The following CNTN5 variants were observed in gnomAD, a reference collection of about 807,000 sequenced individuals.
CNTN5 encodes contactin 5, also known as contactin-5.
Under a neutral mutation model 129.1 loss-of-function variants are expected in CNTN5, and 77 were observed. That is an observed-to-expected ratio of 0.60 (90% CI 0.50 to 0.72). CNTN5 has a LOEUF of 0.72. Among genes scored for constraint, CNTN5 ranks in the 30% least tolerant of loss-of-function variants. The pLI, the probability that CNTN5 is intolerant of heterozygous loss-of-function variation, is 0.00. For missense variants in CNTN5, 1,478 were observed against 1,328.8 expected (o/e 1.11, Z -1.75); for synonymous variants, 509 against 465.6 (o/e 1.09, Z -1.20).
chr11:99,432,029 C>T (rs781750623), intron 2 of CNTN5, among the ~76,000 whole-genome samples: 2 of 152,114 alleles, frequency 1.3e-5, no homozygotes, highest in African/African-American at 2.4e-5. Flanking sequence ...CCAGTAAGTC[C>T]GCACTTTAGG....
chr11:99,613,903 A>T (rs543716579), intron 3 of CNTN5, among the ~76,000 whole-genome samples: 7 of 152,310 alleles, frequency 4.6e-5, no homozygotes, highest in Admixed American at 2.0e-4. Flanking sequence ...CTAATTTTAG[A>T]TGTTTAAAAT....
chr11:99,439,397 G>A (rs1002037566), intron 2 of CNTN5, among the ~76,000 whole-genome samples: 1 of 151,664 alleles, frequency 6.6e-6, no homozygotes, highest in Non-Finnish European at 1.5e-5. Context: ...TACACAAATG[G>A]GCTAAATACT....
At chr11:99,782,891 G>T (rs530899092) in intron 3 of CNTN5, among the ~76,000 whole-genome samples, 5 of 151,636 alleles carry the variant, frequency 3.3e-5, no homozygotes, top group Non-Finnish European at 7.4e-5. Flanking sequence ...GAAAACCTAG[G>T]CATTACCATT....
chr11:99,819,565 G>C lies in CNTN5; in HGVS notation c.77G>C (p.Gly26Ala). 6.2e-7 allele frequency: 1 copy of C among 1,612,252 alleles called. No homozygotes were observed. Among genetic ancestry groups the C allele is most frequent in the Non-Finnish European group, 8.5e-7 (1 of 1,179,482 alleles). ...ACAGAGTATTCAAAATCTCTTCCTG[G>C]TCTCTCCACTTCATATGCTGCTTTG... ...CLSEYSKSLP[G>A]LSTSYAALLR... The change falls in exon 4 of 25, where the codon GGT becomes GCT. Residue 26 changes from glycine (G) to alanine (A), a missense_variant. Gly to Ala is a moderately conservative substitution (Grantham distance 60). Transcript: ENST00000524871.
At chr11:99,692,590 C>T (rs945455509) in intron 3 of CNTN5, among the ~76,000 whole-genome samples, 1 of 152,120 alleles carries the variant, frequency 6.6e-6, no homozygotes, top group East Asian at 1.9e-4. Flanking sequence ...AAGGTTTCCA[C>T]TGAGAGGTCC....
intron 3 of CNTN5, among the ~76,000 whole-genome samples, chr11:99,733,049 G>A (rs1943584672): frequency 6.6e-6 from 1 of 152,088 alleles, no homozygotes; most frequent in Non-Finnish European, 1.5e-5. Context: ...TCCTTGGCCG[G>A]GCGCGGTGGC....
At chr11:99,109,361 A>G (rs1857674489) in intron 1 of CNTN5, among the ~76,000 whole-genome samples, 2 of 152,086 alleles carry the variant, frequency 1.3e-5, no homozygotes, top group Admixed American at 6.6e-5. Flanking sequence ...CGCAGTTTAT[A>G]CACTATGCCC....
chr11:99,213,345 ATAT>A (rs1483120807), intron 1 of CNTN5, among the ~76,000 whole-genome samples: 24 of 128,040 alleles, frequency 1.9e-4, no homozygotes, highest in East Asian at 1.5e-3. Flanking sequence ...CATATATAAA[ATAT>A]TATATATGTG....
At chr11:99,311,444 G>A (rs1865111905) in intron 1 of CNTN5, among the ~76,000 whole-genome samples, 1 of 152,104 alleles carries the variant, frequency 6.6e-6, no homozygotes, top group Non-Finnish European at 1.5e-5. Flanking sequence ...GAGTTGAGGA[G>A]TGACAATTTA....
chr11:100,015,711 A>G (rs1940785610), intron 9 of CNTN5, among the ~76,000 whole-genome samples: 1 of 152,132 alleles, frequency 6.6e-6, no homozygotes, highest in Non-Finnish European at 1.5e-5. Context: ...TTTAAAAAAC[A>G]ATACAAATAT....
chr11:99,721,761 G>A (rs532744463), intron 3 of CNTN5, among the ~76,000 whole-genome samples: 102 of 152,022 alleles, frequency 6.7e-4, no homozygotes, highest in African/African-American at 2.4e-3. Flanking sequence ...ATCCAGCATT[G>A]ATAAGGAACT....
chr11:99,231,765 G>A (rs576889945), intron 1 of CNTN5, among the ~76,000 whole-genome samples: 4 of 151,952 alleles, frequency 2.6e-5, no homozygotes, highest in Admixed American at 6.6e-5. Context: ...TTTCTTCTAG[G>A]GTTTATATAA....
chr11:99,553,997 T>C (rs3809010), intron 2 of CNTN5, among the ~76,000 whole-genome samples: 1,416 of 26,362 alleles, frequency 0.054, 27 homozygotes, highest in African/African-American at 0.16. Context: ...CACACACACA[T>C]ACACACACAC....
chr11:100,149,265 G>T (rs907523807), intron 13 of CNTN5, among the ~76,000 whole-genome samples: 1 of 152,068 alleles, frequency 6.6e-6, no homozygotes, highest in Non-Finnish European at 1.5e-5. Context: ...CTGTTAATGC[G>T]TTGCCTTCAT....
chr11:99,383,905 AGAGTT>A (rs1342478528), intron 2 of CNTN5, among the ~76,000 whole-genome samples: 5 of 152,198 alleles, frequency 3.3e-5, no homozygotes, highest in African/African-American at 1.2e-4. Flanking sequence ...TGATGCACTC[AGAGTT>A]TAAAGTCTCT....
chr11:99,082,863 T>C (rs1012606072), intron 1 of CNTN5, among the ~76,000 whole-genome samples: 2 of 152,186 alleles, frequency 1.3e-5, no homozygotes, highest in Non-Finnish European at 2.9e-5. Flanking sequence ...CATTATGACT[T>C]GGTATTTGTA....
In CNTN5 at chr11:99,687,706, T is replaced by C. The variant is rs185951255; in HGVS notation, c.55+131437T>C. Among the ~76,000 whole-genome samples the C allele has an allele frequency of 4.4e-3, 663 of 152,298 alleles. 5 individuals carry two copies. Among genetic ancestry groups the C allele is most frequent in the Middle Eastern group, 0.014 (4 of 294 alleles). ...TTGATACCACTAGAGACACAGATTATAGGGAACATAAGATTCTGCTGCCTT... is the reference window on the plus strand; with the variant it reads ...TTGATACCACTAGAGACACAGATTACAGGGAACATAAGATTCTGCTGCCTT... On this transcript the variant is annotated intron_variant, in intron 3 of 24. Transcript: ENST00000524871.
chr11:100,125,185 T>G (rs1946143800), intron 13 of CNTN5, among the ~76,000 whole-genome samples: 1 of 152,044 alleles, frequency 6.6e-6, no homozygotes, highest in African/African-American at 2.4e-5. Flanking sequence ...TTTTTTCAAC[T>G]TTTATTTTAG....
chr11:99,655,159 A>G (rs2135895017), intron 3 of CNTN5, among the ~76,000 whole-genome samples: 1 of 152,226 alleles, frequency 6.6e-6, no homozygotes, highest in Non-Finnish European at 1.5e-5. Context: ...GTGGTCCTTA[A>G]GTAAAATCCT....
Sources: allele counts gnomAD v4.1 joint callset (sites outside exome capture counted in the v4.1 genomes callset), GRCh38; gene constraint gnomAD v4.1.1; transcripts MANE v1.5; gene names NCBI Gene and HGNC (gene_info 2026-07-23, HGNC 2026-07-21).